CLASP2: variants seen among roughly 807,000 people sequenced by gnomAD.
CLASP2 encodes CLIP-associating protein 2.
CLASP2 carries 47 observed loss-of-function variants against 194.4 expected under a neutral mutation model. The ratio of observed to expected loss-of-function variants is 0.24; its 90% confidence interval spans 0.19 to 0.31. CLASP2 has a LOEUF of 0.31. CLASP2 is among the 10% of genes least tolerant of loss of function. CLASP2 has a pLI of 1.00. For missense variants in CLASP2, 1,445 were observed against 1,823.6 expected, an observed-to-expected ratio of 0.79 and a Z score of 3.78; for synonymous variants, 619 against 633.5, an observed-to-expected ratio of 0.98 and a Z score of 0.34.
rs568821764 is a variant in CLASP2 at position 33,568,553 on chromosome 3, C to CAA, written c.2764-1821_2764-1820dup. On this transcript the variant is annotated intron_variant, in intron 26 of 38. Transcript: ENST00000682230. ...TGGGTGACAGAAAGAGATCTTGTCT[C>CAA]AAAAAAAAAAAAAAAAAAAAAATTA... Among the ~76,000 whole-genome samples, 107 of 56,760 alleles carry CAA rather than the reference C, an allele frequency of 1.9e-3. 4 individuals carry two copies. Among genetic ancestry groups the CAA allele is most frequent in the East Asian group, 9.3e-3 (14 of 1,508 alleles). 37.2% of individuals were successfully genotyped at this position (56,760 alleles called of 152,430 possible). A position where few individuals can be genotyped will look rare whatever the true frequency, so the allele number is the denominator to read the frequency against.
chr3:33,649,009 C>T (rs2154316840), intron 7 of CLASP2, among the ~76,000 whole-genome samples: 1 of 152,306 alleles, frequency 6.6e-6, no homozygotes, highest in East Asian at 1.9e-4. Flanking sequence ...TCTACCAGAA[C>T]TCTAAGATCT....
chr3:33,579,789 T>C (rs1284713354), intron 23 of CLASP2, among the ~76,000 whole-genome samples: 1 of 152,162 alleles, frequency 6.6e-6, no homozygotes, highest in East Asian at 1.9e-4. Context: ...CATAGAAAGG[T>C]TACGTAGCTG....
intron 29 of CLASP2, among the ~76,000 whole-genome samples, chr3:33,552,224 C>T (rs1366630664): frequency 6.6e-6 from 1 of 150,764 alleles, no homozygotes; most frequent in African/African-American, 2.4e-5. Flanking sequence ...GTTCAAACGG[C>T]TCTCCTGCCT....
At chr3:33,682,453 A>T (rs1248504473) in intron 6 of CLASP2, among the ~76,000 whole-genome samples, 1 of 152,200 alleles carries the variant, frequency 6.6e-6, no homozygotes, top group Non-Finnish European at 1.5e-5. Flanking sequence ...AGTAATAGGT[A>T]AATGAAGGTT....
intron 1 of CLASP2, among the ~76,000 whole-genome samples, chr3:33,699,909 T>G (rs2092254496): frequency 1.3e-5 from 2 of 149,764 alleles, no homozygotes; most frequent in Admixed American, 1.3e-4. Flanking sequence ...CGCTTCATAA[T>G]TCTATACCTA....
At chr3:33,543,152 C>A (rs770885567) in intron 32 of CLASP2, among the ~76,000 whole-genome samples, 1 of 152,204 alleles carries the variant, frequency 6.6e-6, no homozygotes, top group Non-Finnish European at 1.5e-5. Context: ...GCGGGCAGAT[C>A]ACCTAAGGTC....
chr3:33,608,743 T>TA, intron 13 of CLASP2, 117 bp from the exon 14 acceptor site: 9 of 310,948 alleles, frequency 2.9e-5, no homozygotes, highest in East Asian at 8.6e-5. Context: ...TTTTTAGATA[T>TA]CTTTTTTTTT....
At chr3:33,588,340 A>G (rs1011630679) in intron 21 of CLASP2, among the ~76,000 whole-genome samples, 2 of 152,184 alleles carry the variant, frequency 1.3e-5, no homozygotes, top group Admixed American at 6.5e-5. Flanking sequence ...TATCCAAGGA[A>G]TAGCATGCTA....
intron 12 of CLASP2, among the ~76,000 whole-genome samples, chr3:33,614,710 T>C (rs1159840594): frequency 6.6e-6 from 1 of 152,176 alleles, no homozygotes; most frequent in African/African-American, 2.4e-5. Flanking sequence ...CCCAACACTT[T>C]GGAAGGCCAA....
chr3:33,523,172 A>T (rs1216856077), intron 34 of CLASP2, among the ~76,000 whole-genome samples: 1 of 152,218 alleles, frequency 6.6e-6, no homozygotes, highest in Non-Finnish European at 1.5e-5. Context: ...AGCCTAAGGG[A>T]TATGTGAGAC....
chr3:33,713,512 G>A (rs1178676803), intron 1 of CLASP2, among the ~76,000 whole-genome samples: 1 of 152,088 alleles, frequency 6.6e-6, no homozygotes, highest in Non-Finnish European at 1.5e-5. Flanking sequence ...CTAAAAAATG[G>A]CATATTTCTT....
At chr3:33,506,818 T>C (rs1191227765) in intron 37 of CLASP2, among the ~76,000 whole-genome samples, 2 of 152,232 alleles carry the variant, frequency 1.3e-5, no homozygotes, top group East Asian at 3.8e-4. Context: ...TCTATTTCAT[T>C]GATCTATTAA....
Position 33,498,398 on chromosome 3 carries a change from T to A in CLASP2, c.*233A>T. On this transcript the variant is annotated 3_prime_UTR_variant, in exon 39 of 39. Coordinates refer to ENST00000682230, the MANE Select transcript of CLASP2 (RefSeq NM_001365631.1). ...TAAATTAAAAATTACTTTGTGTCGA[T>A]CAATTGATGTTAATACTGCTTCTTC... 2.6e-6 allele frequency: 1 copy of A among 386,034 alleles called. No individual in the cohort carries two copies. Among genetic ancestry groups the A allele is most frequent in the Non-Finnish European group, 4.6e-6 (1 of 216,886 alleles). 23.9% of individuals were successfully genotyped at this position (386,034 alleles called of 1,614,324 possible).
intron 34 of CLASP2, among the ~76,000 whole-genome samples, chr3:33,532,938 C>G (rs1485288030): frequency 6.6e-6 from 1 of 152,160 alleles, no homozygotes; most frequent in Non-Finnish European, 1.5e-5. Context: ...TTTAACGTGA[C>G]AGAGCATCAG....
chr3:33,526,325 G>T (rs1294535562), intron 34 of CLASP2, among the ~76,000 whole-genome samples: 1 of 152,096 alleles, frequency 6.6e-6, no homozygotes, highest in Non-Finnish European at 1.5e-5. Context: ...ATCAGAGGTT[G>T]CAATCCTAAT....
intron 26 of CLASP2, 104 bp from the exon 27 acceptor site, chr3:33,566,838 G>C (rs2062825460): frequency 5.5e-6 from 2 of 366,710 alleles, no homozygotes; most frequent in Non-Finnish European, 1.1e-5. Context: ...CTGTATGGAA[G>C]AAAAACACTC....
intron 21 of CLASP2, among the ~76,000 whole-genome samples, chr3:33,590,151 T>A (rs2068395893): frequency 6.6e-6 from 1 of 152,202 alleles, no homozygotes; most frequent in Non-Finnish European, 1.5e-5. Context: ...TAGTGCTTAT[T>A]CAGGGCTAAG....
At chr3:33,697,022 A>G in intron 1 of CLASP2, 89 bp from the exon 2 acceptor site, 3 of 746,786 alleles carry the variant, frequency 4.0e-6, no homozygotes, top group Non-Finnish European at 6.7e-6. Context: ...AAAGATCTTC[A>G]TAAATATATT....
chr3:33,566,265 T>C (rs2062720238), intron 27 of CLASP2, among the ~76,000 whole-genome samples: 1 of 152,212 alleles, frequency 6.6e-6, no homozygotes, highest in Admixed American at 6.5e-5. Flanking sequence ...ATCTACTCTG[T>C]TTGCTTTTAT....
Sources: gnomAD v4.1 joint callset for allele counts (sites outside exome capture counted in the v4.1 genomes callset) on GRCh38, gnomAD v4.1.1 for gene constraint, MANE v1.5 for transcripts, NCBI Gene and HGNC (gene_info 2026-07-23, HGNC 2026-07-21) for gene names.